The following FLT1 variants were observed in gnomAD, a reference collection of about 807,000 sequenced individuals.
FLT1 encodes the protein vascular endothelial growth factor receptor 1.
A neutral mutation model predicts 156.3 loss-of-function variants in FLT1; 49 were observed. That is an observed-to-expected ratio of 0.31 (90% CI 0.25 to 0.40). The LOEUF is 0.40. Ranked by LOEUF, FLT1 falls within the 10% of genes least tolerant of loss-of-function variation. FLT1 has a pLI of 1.00. For synonymous variants in FLT1, 594 were observed against 583.8 expected (o/e 1.02, Z -0.25); for missense variants, 1,322 against 1,637.2 (o/e 0.81, Z 3.32).
At chr13:28,380,280 A>G (rs1874020461) in intron 14 of FLT1, among the ~76,000 whole-genome samples, 1 of 152,224 alleles carries the variant, frequency 6.6e-6, no homozygotes, top group Non-Finnish European at 1.5e-5. Context: ...TAGGTTTACA[A>G]AAAGAAATAG....
At chr13:28,374,212 A>G (rs1265808757) in intron 14 of FLT1, among the ~76,000 whole-genome samples, 1 of 152,108 alleles carries the variant, frequency 6.6e-6, no homozygotes, top group Non-Finnish European at 1.5e-5. Flanking sequence ...ACAATTTAAA[A>G]AAATGAGGCC....
intron 10 of FLT1, among the ~76,000 whole-genome samples, chr13:28,416,643 A>C (rs1345373751): frequency 6.6e-6 from 1 of 152,238 alleles, no homozygotes; most frequent in African/African-American, 2.4e-5. Context: ...CCAGCACTTA[A>C]CACCACATAG....
chr13:28,344,385 C>T (rs61950222), intron 16 of FLT1, among the ~76,000 whole-genome samples: 1 of 152,162 alleles, frequency 6.6e-6, no homozygotes, highest in Non-Finnish European at 1.5e-5. Flanking sequence ...CTTGACACTC[C>T]TCCTACACAT....
intron 3 of FLT1, among the ~76,000 whole-genome samples, chr13:28,460,827 CA>C (rs1879534645): frequency 6.6e-6 from 1 of 151,674 alleles, no homozygotes; most frequent in Non-Finnish European, 1.5e-5. Flanking sequence ...CACACACACA[CA>C]CGCACGTATG....
rs1028068674 is a variant in FLT1, at chr13:28,357,480, G to A, written c.2248+74C>T. On this transcript the variant is annotated intron_variant, in intron 15 of 29. Coordinates refer to ENST00000282397, the MANE Select transcript of FLT1 (RefSeq NM_002019.4). ...ACTGGAGCAGGCAGCAGGAGACTGG[G>A]AGGTGGAAAGTTAAACAAACAGGGA... 20 of 1,472,156 alleles carry A rather than the reference G, an allele frequency of 1.4e-5. No homozygotes were observed. In the Middle Eastern group the frequency reaches 8.9e-4, roughly 66 times the overall value. 91.2% of individuals were successfully genotyped at this position (1,472,156 alleles called of 1,614,324 possible). A position where few individuals can be genotyped will look rare whatever the true frequency, so the allele number is the denominator to read the frequency against.
intron 13 of FLT1, chr13:28,387,345 C>T: frequency 6.7e-6 from 7 of 1,047,804 alleles, no homozygotes; most frequent in Non-Finnish European, 8.1e-6. Flanking sequence ...TTTGTCAATT[C>T]TTACTTTATA....
At chr13:28,378,432 C>A (rs1164401077) in intron 14 of FLT1, among the ~76,000 whole-genome samples, 1 of 152,158 alleles carries the variant, frequency 6.6e-6, no homozygotes, top group Non-Finnish European at 1.5e-5. Context: ...TCATTTAAAA[C>A]TGATGCTCAT....
intron 14 of FLT1, among the ~76,000 whole-genome samples, chr13:28,362,135 A>G (rs1007304922): frequency 6.6e-6 from 1 of 152,218 alleles, no homozygotes; most frequent in Non-Finnish European, 1.5e-5. Flanking sequence ...TACTGGATAC[A>G]GCAATAGAAA....
intron 1 of FLT1, among the ~76,000 whole-genome samples, chr13:28,488,696 A>G (rs907473769): frequency 1.3e-5 from 2 of 152,094 alleles, no homozygotes; most frequent in African/African-American, 4.8e-5. Context: ...TTTTAAGAAC[A>G]TGTCTCGCAC....
At chr13:28,376,032 C>G (rs1183205038) in intron 14 of FLT1, among the ~76,000 whole-genome samples, 2 of 152,278 alleles carry the variant, frequency 1.3e-5, no homozygotes, top group East Asian at 3.9e-4. Context: ...GTTTTTCATC[C>G]CTGGGTATTA....
At chr13:28,457,933 C>CTTTTTTTTTTTTTTTTTTTTTTTT (rs894090277) in intron 3 of FLT1, among the ~76,000 whole-genome samples, 1 of 114,210 alleles carries the variant, frequency 8.8e-6, no homozygotes, top group African/African-American at 3.7e-5. Flanking sequence ...CTTTCCTTTT[C>CTTTTTTTTTTTTTTTTTTTTTTTT]TTTTTTTTTT....
chr13:28,482,005 TG>T (rs1338646552), intron 1 of FLT1, among the ~76,000 whole-genome samples: 1 of 152,234 alleles, frequency 6.6e-6, no homozygotes, highest in Non-Finnish European at 1.5e-5. Context: ...TTTAAATGAA[TG>T]TATTAAAATG....
intron 15 of FLT1, among the ~76,000 whole-genome samples, chr13:28,356,332 C>T (rs762838042): frequency 2.5e-4 from 38 of 152,010 alleles, no homozygotes; most frequent in Non-Finnish European, 1.5e-4. Context: ...GTCTGGGGTG[C>T]CTGTTAAAAG....
chr13:28,473,839 GAAGAAAGAAAGA>G (rs1301907665), intron 1 of FLT1, among the ~76,000 whole-genome samples: 1 of 83,646 alleles, frequency 1.2e-5, no homozygotes, highest in Admixed American at 1.3e-4. Flanking sequence ...AGAAAGAAAG[GAAGAAAGAAAGA>G]AAGAAAGAAA....
At chr13:28,421,210 A>G (rs779796072) in intron 10 of FLT1, among the ~76,000 whole-genome samples, 6 of 152,074 alleles carry the variant, frequency 3.9e-5, no homozygotes, top group Non-Finnish European at 8.8e-5. Context: ...TCCAGTCCTG[A>G]CCTACTTTTA....
At chr13:28,306,033 G>A (rs559810642) in intron 29 of FLT1, among the ~76,000 whole-genome samples, 10 of 152,338 alleles carry the variant, frequency 6.6e-5, no homozygotes, top group Admixed American at 1.3e-4. Flanking sequence ...AGGAACATCC[G>A]ACAGGTGCAG....
At chr13:28,360,438 T>C (rs193240610) in intron 14 of FLT1, among the ~76,000 whole-genome samples, 72 of 152,364 alleles carry the variant, frequency 4.7e-4, no homozygotes, top group African/African-American at 1.3e-3. Flanking sequence ...AGGCAACCTA[T>C]GTGTCCATCA....
chr13:28,393,649 C>T (rs1874868831), intron 12 of FLT1, among the ~76,000 whole-genome samples: 3 of 152,144 alleles, frequency 2.0e-5, no homozygotes, highest in Admixed American at 2.0e-4. Flanking sequence ...CATGGTGGTG[C>T]CATCATGGCT....
rs942588310 is a variant in FLT1 at position 28,432,409 on chromosome 13, T to G, written c.814-1099A>C. ...CCACTATCAAAAGTCAGAGAACTAG[T>G]CCCCTAACGTAACAGACTGAGGGAG... is the stretch of plus-strand genomic sequence containing the variant. On this transcript the variant is annotated intron_variant, in intron 6 of 29. Transcript: ENST00000282397. 2.0e-5 allele frequency among the ~76,000 whole-genome samples: 3 copies of G among 152,126 alleles called. No individual in the cohort carries two copies. The East Asian group carries it at 5.8e-4, about 29-fold the overall frequency.
Sources: allele counts gnomAD v4.1 joint callset (sites outside exome capture counted in the v4.1 genomes callset), GRCh38; gene constraint gnomAD v4.1.1; transcripts MANE v1.5; gene names NCBI Gene and HGNC (gene_info 2026-07-23, HGNC 2026-07-21).